Variants in RIC3 observed in about 807,000 individuals in gnomAD.
RIC3 encodes RIC3 acetylcholine receptor chaperone.
Under a neutral mutation model 27.3 loss-of-function variants are expected in RIC3, and 28 were observed. That is an observed-to-expected ratio of 1.02 (90% CI 0.76 to 1.41). RIC3 has a LOEUF of 1.41. RIC3 is among the 40% of genes most tolerant of loss of function. The pLI is 0.00. For synonymous variants in RIC3, 184 were observed against 160.4 expected (o/e 1.15, Z -1.11); for missense variants, 501 against 444.7 (o/e 1.13, Z -1.14).
At chr11:8,119,867 G>A (rs1324889527) in intron 5 of RIC3, among the ~76,000 whole-genome samples, 5 of 152,034 alleles carry the variant, frequency 3.3e-5, no homozygotes, top group African/African-American at 4.8e-5. Context: ...CAACCCCATC[G>A]AAAAGTGGGC....
intron 5 of RIC3, among the ~76,000 whole-genome samples, chr11:8,116,412 C>CA (rs1237624325): frequency 6.6e-6 from 1 of 151,978 alleles, no homozygotes; most frequent in African/African-American, 2.4e-5. Flanking sequence ...GCCCATGCAA[C>CA]AAAAGTGAAA....
chr11:8,156,302 C>G (rs1412236617), intron 1 of RIC3, among the ~76,000 whole-genome samples: 5 of 152,156 alleles, frequency 3.3e-5, no homozygotes, highest in Non-Finnish European at 4.4e-5. Flanking sequence ...TGAGTGCCAC[C>G]TTTTCAGTCA....
chr11:8,113,194 A>G (rs532145563), intron 5 of RIC3, among the ~76,000 whole-genome samples: 8 of 152,350 alleles, frequency 5.3e-5, no homozygotes, highest in African/African-American at 1.9e-4. Context: ...CTTGCTAGTC[A>G]GCTCCCAGCC....
intron 1 of RIC3, among the ~76,000 whole-genome samples, chr11:8,150,976 T>C (rs1249140842): frequency 6.6e-6 from 1 of 152,178 alleles, no homozygotes; most frequent in Non-Finnish European, 1.5e-5. Flanking sequence ...TCTCATACCA[T>C]ATACAGAAAT....
At chr11:8,145,611 G>C (rs956670318) in intron 1 of RIC3, among the ~76,000 whole-genome samples, 1 of 152,108 alleles carries the variant, frequency 6.6e-6, no homozygotes, top group African/African-American at 2.4e-5. Flanking sequence ...TTGAAAAAGG[G>C]GATCTTGTGA....
chr11:8,159,761 C>G (rs181197065), intron 1 of RIC3, among the ~76,000 whole-genome samples: 5 of 152,204 alleles, frequency 3.3e-5, no homozygotes, highest in Non-Finnish European at 7.4e-5. Context: ...GAGGCCAAGG[C>G]AGGCAGATCA....
chr11:8,093,571 C>T, the RIC3 span, among the ~76,000 whole-genome samples: 1 of 152,164 alleles, frequency 6.6e-6, no homozygotes, highest in East Asian at 1.9e-4. Flanking sequence ...TCTGAGCACT[C>T]CTACACCCCA....
intron 1 of RIC3, among the ~76,000 whole-genome samples, chr11:8,166,300 G>A (rs1410888664): frequency 6.6e-6 from 1 of 152,108 alleles, no homozygotes; most frequent in Non-Finnish European, 1.5e-5. Context: ...GGAATACATA[G>A]TGTCTATACA....
chr11:8,121,873 T>C (rs188802736), intron 5 of RIC3, among the ~76,000 whole-genome samples: 49 of 152,300 alleles, frequency 3.2e-4, no homozygotes, highest in Admixed American at 3.1e-3. Flanking sequence ...GAATTTGTGT[T>C]GCTTTTAAAA....
chr11:8,120,817 T>G (rs912971934), intron 5 of RIC3, among the ~76,000 whole-genome samples: 4 of 152,116 alleles, frequency 2.6e-5, no homozygotes, highest in Admixed American at 2.6e-4. Flanking sequence ...CAGGATAAGA[T>G]TTCTCATTTT....
downstream of RIC3, chr11:8,105,899 T>C (rs1445975915): frequency 2.6e-5 from 4 of 152,106 alleles, no homozygotes; most frequent in Non-Finnish European, 1.5e-5. Flanking sequence ...GAAGCCTGAC[T>C]GCTCGGTCAG....
intron 5 of RIC3, among the ~76,000 whole-genome samples, chr11:8,123,638 A>G (rs1006309036): frequency 1.3e-5 from 2 of 152,162 alleles, no homozygotes; most frequent in Non-Finnish European, 2.9e-5. Context: ...TGAACTATGT[A>G]AATTCCTTGA....
At chr11:8,115,167 AAGAC>A (rs1229499212) in intron 5 of RIC3, among the ~76,000 whole-genome samples, 8 of 152,312 alleles carry the variant, frequency 5.3e-5, no homozygotes, top group African/African-American at 1.4e-4. Context: ...TCAAAAATCA[AAGAC>A]AGAGAGGATG....
At chr11:8,144,607 T>G (rs891824094) in intron 1 of RIC3, among the ~76,000 whole-genome samples, 1 of 151,966 alleles carries the variant, frequency 6.6e-6, no homozygotes, top group African/African-American at 2.4e-5. Flanking sequence ...TCAACCATTG[T>G]GGAAGTCAGT....
chr11:8,163,333 A>G (rs2134328216), intron 1 of RIC3, among the ~76,000 whole-genome samples: 1 of 152,324 alleles, frequency 6.6e-6, no homozygotes, highest in African/African-American at 2.4e-5. Context: ...CCCCCAGATA[A>G]CATTACATAT....
the RIC3 span, chr11:8,095,426 C>G: frequency 8.0e-6 from 12 of 1,504,894 alleles, no homozygotes; most frequent in Middle Eastern, 2.5e-4. Flanking sequence ...TCATCCCCTT[C>G]ATGGACGTCT....
At chr11:8,168,146 T>C (rs1951898798) in intron 1 of RIC3, among the ~76,000 whole-genome samples, 1 of 152,208 alleles carries the variant, frequency 6.6e-6, no homozygotes, top group African/African-American at 2.4e-5. Context: ...TTCTGGTTCC[T>C]TCTCCCAGCC....
intron 1 of RIC3, among the ~76,000 whole-genome samples, chr11:8,145,962 T>C (rs1377843672): frequency 6.6e-6 from 1 of 152,262 alleles, no homozygotes; most frequent in Non-Finnish European, 1.5e-5. Context: ...TTCTGCCTAG[T>C]GATCTGGCTG....
At position 8,108,833 on chromosome 11, in the gene RIC3, A is replaced by G. The variant is rs1944944818; in HGVS notation, c.*1865T>C. 6.6e-6 allele frequency: 1 copy of G among 152,234 alleles called. No individual in the cohort carries two copies. The highest frequency in any genetic ancestry group is 6.5e-5 in the Admixed American group (1 of 15,282). 9.4% of individuals were successfully genotyped at this position (152,234 alleles called of 1,614,324 possible). A position where few individuals can be genotyped will look rare whatever the true frequency, so the allele number is the denominator to read the frequency against. ...AAGAGAACAGCAGTATTTATCTCTA[A>G]TAAGGGAATCCTATCCTAAGGCCAA... On this transcript the variant is annotated 3_prime_UTR_variant, in exon 6 of 6. Coordinates refer to ENST00000309737, the MANE Select transcript of RIC3 (RefSeq NM_001206671.4).
Sources: allele counts gnomAD v4.1 joint callset (sites outside exome capture counted in the v4.1 genomes callset), GRCh38; gene constraint gnomAD v4.1.1; transcripts MANE v1.5; gene names NCBI Gene and HGNC (gene_info 2026-07-23, HGNC 2026-07-21).